XRN1: variants seen among roughly 807,000 people sequenced by gnomAD.
XRN1 encodes the protein strand-exchange protein 1 homolog.
XRN1 carries 67 observed loss-of-function variants against 222.3 expected under a neutral mutation model. The ratio of observed to expected loss-of-function variants is 0.30; its 90% CI spans 0.25 to 0.37. The LOEUF is 0.37. Among genes scored for constraint, XRN1 ranks in the 10% least tolerant of loss-of-function variants. XRN1 has a pLI of 1.00. For missense variants in XRN1, 1,707 were observed against 2,000.2 expected (o/e 0.85, Z 2.80); for synonymous variants, 643 against 652.4 (o/e 0.99, Z 0.22).
Position 142,380,064 on chromosome 3 carries a change from A to C in XRN1, c.2715+18T>G, listed in dbSNP as rs747020236. On this transcript the variant is annotated intron_variant, in intron 23 of 40. Coordinates refer to ENST00000392981, the MANE Select transcript of XRN1 (RefSeq NM_001282857.2). The stretch of plus-strand genomic sequence containing the variant: ...GTTTATCAATTCTAAATGAAACAAT[A>C]CAAACTACTGTACTCACATGCTGGT... 6.3e-7 allele frequency: 1 copy of C among 1,595,358 alleles called. No individual in the cohort carries two copies. The highest frequency in any genetic ancestry group is 1.1e-5 in the South Asian group (1 of 87,828).
At chr3:142,383,202 C>T in intron 22 of XRN1, 98 bp downstream of exon 22, 3 of 958,704 alleles carry the variant, frequency 3.1e-6, no homozygotes, top group African/African-American at 3.4e-5. Context: ...TATTTTTTCC[C>T]TTCATTATTA....
At chr3:142,368,369 G>A (rs1313155455) in intron 27 of XRN1, among the ~76,000 whole-genome samples, 2 of 152,034 alleles carry the variant, frequency 1.3e-5, no homozygotes, top group African/African-American at 4.8e-5. Flanking sequence ...GGCTGGTCTC[G>A]AACTCCTGAC....
chr3:142,409,778 A>T (rs2068492879), intron 15 of XRN1, among the ~76,000 whole-genome samples: 1 of 152,226 alleles, frequency 6.6e-6, no homozygotes, highest in Admixed American at 6.5e-5. Context: ...CTTCATATCC[A>T]TGAACATGAT....
At chr3:142,342,806 C>G (rs2066034866) in intron 33 of XRN1, among the ~76,000 whole-genome samples, 2 of 152,050 alleles carry the variant, frequency 1.3e-5, no homozygotes, top group African/African-American at 2.4e-5. Flanking sequence ...TAAGTCTAAG[C>G]CTAAAGTATG....
chr3:142,345,304 AGTCTTTTT>A (rs1445608897), intron 33 of XRN1, among the ~76,000 whole-genome samples: 1 of 152,174 alleles, frequency 6.6e-6, no homozygotes, highest in African/African-American at 2.4e-5. Context: ...GGGAAAGAGT[AGTCTTTTT>A]AACAAACAAT....
In XRN1 at chr3:142,445,310, T is replaced by C. The variant is rs1005656939; in HGVS notation, c.75+2560A>G. The stretch of plus-strand genomic sequence containing the variant: ...CATTTTCTTAATGCCTTTTAACTCA[T>C]TGTGAAATAGATAATAGTTTTGGTT... On this transcript the variant is annotated intron_variant, in intron 1 of 40. Transcript: ENST00000392981. Among the ~76,000 whole-genome samples, 8 of 152,222 alleles carry C rather than the reference T, an allele frequency of 5.3e-5. No homozygotes were observed. The South Asian group carries it at 8.3e-4, about 16-fold the overall frequency.
chr3:142,318,276 A>G (rs998965777), intron 39 of XRN1, among the ~76,000 whole-genome samples: 3 of 152,176 alleles, frequency 2.0e-5, no homozygotes, highest in Non-Finnish European at 4.4e-5. Context: ...TCTACTACCA[A>G]TAAGAAAATA....
At position 142,307,142 on chromosome 3, in the gene XRN1, G is replaced by C. The variant is rs1353357417; in HGVS notation, c.*4369C>G. ...CAAAAGACAAAAAAATCCAAAAAAC[G>C]AAAACAACCTCCCCATCCCCCACCA... On this transcript the variant is annotated 3_prime_UTR_variant, in exon 41 of 41. Transcript: ENST00000392981. 1.3e-5 allele frequency: 2 copies of C among 151,918 alleles called. No homozygotes were observed. The highest frequency in any genetic ancestry group is 2.4e-5 in the African/African-American group (1 of 41,348). 9.4% of individuals were successfully genotyped at this position (151,918 alleles called of 1,614,324 possible). A position where few individuals can be genotyped will look rare whatever the true frequency, so the allele number is the denominator to read the frequency against.
At chr3:142,348,777 CA>C (rs2066221840) in intron 32 of XRN1, among the ~76,000 whole-genome samples, 1 of 152,096 alleles carries the variant, frequency 6.6e-6, no homozygotes, top group Admixed American at 6.6e-5. Context: ...CAGAAACACT[CA>C]AGACTCTTCA....
chr3:142,396,717 C>A (rs1176450692), intron 20 of XRN1, among the ~76,000 whole-genome samples: 2 of 152,160 alleles, frequency 1.3e-5, no homozygotes, highest in African/African-American at 2.4e-5. Context: ...TGATGGTATA[C>A]ATTTAAAACA....
Position 142,333,009 on chromosome 3 carries a change from C to A in XRN1, c.4020G>T (p.Glu1340Asp). ...GTGACAAATGCTCTTCACTTGGAGG[C>A]TCCCCATGATGAGATGACTGTACTT... ...ENEVQSSHHG[E>D]PPSEEHLSPQ... is the part of the protein sequence containing the mutation. Residue 1340 changes from glutamate to aspartate, a missense_variant, in exon 35 of 41, where the codon GAG becomes GAT. Glu to Asp is a conservative substitution (Grantham distance 45). This residue lies in a region of XRN1 where 473 missense variants were observed against 482.0 expected (regional missense o/e 0.98). Coordinates refer to ENST00000392981, the MANE Select transcript of XRN1 (RefSeq NM_001282857.2). The A allele has an allele frequency of 1.2e-6, 2 of 1,613,744 alleles. No homozygotes were observed. Among genetic ancestry groups the A allele is most frequent in the South Asian group, 1.1e-5 (1 of 91,026 alleles).
At chr3:142,364,932 A>T in intron 29 of XRN1, 115 bp downstream of exon 29, 1 of 935,772 alleles carries the variant, frequency 1.1e-6, no homozygotes, top group Non-Finnish European at 1.4e-6. Context: ...ACATAAAAAG[A>T]TTGTTTGTTC....
intron 33 of XRN1, among the ~76,000 whole-genome samples, chr3:142,342,548 C>T (rs913960688): frequency 4.7e-4 from 72 of 152,116 alleles, no homozygotes; most frequent in African/African-American, 1.7e-3. Context: ...AATCATACTA[C>T]AGAACTATGG....
intron 16 of XRN1, among the ~76,000 whole-genome samples, chr3:142,404,691 G>A (rs1262708581): frequency 1.3e-5 from 2 of 152,134 alleles, no homozygotes; most frequent in Admixed American, 6.5e-5. Context: ...GAGAAACAAA[G>A]AATCTGACCA....
At chr3:142,354,755 T>A (rs1334113401) in intron 32 of XRN1, among the ~76,000 whole-genome samples, 1 of 152,078 alleles carries the variant, frequency 6.6e-6, no homozygotes, top group Non-Finnish European at 1.5e-5. Context: ...GGTCTCGAAC[T>A]CCTGACCTCC....
At chr3:142,360,333 G>A (rs1257417740) in intron 29 of XRN1, among the ~76,000 whole-genome samples, 1 of 152,066 alleles carries the variant, frequency 6.6e-6, no homozygotes, top group Non-Finnish European at 1.5e-5. Flanking sequence ...TTATATTTGT[G>A]AGATTCACCC....
intron 1 of XRN1, among the ~76,000 whole-genome samples, chr3:142,439,050 T>C (rs1365230808): frequency 6.6e-6 from 1 of 152,128 alleles, no homozygotes; most frequent in Non-Finnish European, 1.5e-5. Flanking sequence ...GGAGGAGAAT[T>C]CGGCCCAGCC....
intron 14 of XRN1, 31 bp from the exon 15 acceptor site, chr3:142,412,694 TATA>T (rs780866322): frequency 4.9e-6 from 7 of 1,424,742 alleles, no homozygotes; most frequent in Non-Finnish European, 6.7e-6. Context: ...ATAATAGAAA[TATA>T]AGAACTAATA....
At chr3:142,421,837 A>C (rs1488205276) in intron 8 of XRN1, among the ~76,000 whole-genome samples, 1 of 152,226 alleles carries the variant, frequency 6.6e-6, no homozygotes, top group Non-Finnish European at 1.5e-5. Flanking sequence ...TAGATCATTT[A>C]ATATGATATG....
Sources: gnomAD v4.1 joint callset for allele counts (sites outside exome capture counted in the v4.1 genomes callset) on GRCh38, gnomAD v4.1.1 for gene constraint, gnomAD v4.1.1 regional missense constraint, MANE v1.5 for transcripts, NCBI Gene and HGNC (gene_info 2026-07-23, HGNC 2026-07-21) for gene names.